GUCY1A2: variants seen among roughly 807,000 people sequenced by gnomAD.
GUCY1A2 encodes the protein guanylate cyclase 1 soluble subunit alpha 2.
Under a neutral mutation model 63.5 loss-of-function variants are expected in GUCY1A2, and 27 were observed. The observed-to-expected ratio is 0.43, with a 90% CI of 0.31 to 0.59. The LOEUF (loss-of-function observed/expected upper bound fraction) is 0.59, where lower values mean the gene tolerates loss of function less well. Among genes scored for constraint, GUCY1A2 ranks in the 20% least tolerant of loss-of-function variants. The probability of loss-of-function intolerance (pLI) is 0.11; values close to 1 mark genes in which losing one functional copy is unlikely to be tolerated. For synonymous variants in GUCY1A2, 364 were observed against 343.5 expected (o/e 1.06, Z -0.66); for missense variants, 768 against 913.3 (o/e 0.84, Z 2.05).
intron 4 of GUCY1A2, among the ~76,000 whole-genome samples, chr11:106,909,768 G>T (rs569172023): frequency 8.6e-5 from 13 of 151,936 alleles, no homozygotes; most frequent in Admixed American, 5.9e-4. Context: ...AAGGAAATCT[G>T]GGTTGCTTTT....
At chr11:106,700,287 T>C (rs1036176743) in intron 7 of GUCY1A2, among the ~76,000 whole-genome samples, 3 of 152,180 alleles carry the variant, frequency 2.0e-5, no homozygotes, top group Non-Finnish European at 4.4e-5. Flanking sequence ...CTGGTAAATA[T>C]ATGGAATGAC....
intron 6 of GUCY1A2, among the ~76,000 whole-genome samples, chr11:106,769,037 C>T (rs1864210599): frequency 1.3e-5 from 2 of 152,134 alleles, no homozygotes; most frequent in East Asian, 3.9e-4. Context: ...TGCTAGAGCC[C>T]CTAGTCTCTT....
At chr11:106,756,938 G>A (rs1313579899) in intron 6 of GUCY1A2, among the ~76,000 whole-genome samples, 1 of 152,206 alleles carries the variant, frequency 6.6e-6, no homozygotes, top group African/African-American at 2.4e-5. Flanking sequence ...ATCCTGAAGA[G>A]TGTTTTCTAA....
chr11:106,985,271 A>G (rs1861386673), intron 2 of GUCY1A2, among the ~76,000 whole-genome samples: 2 of 152,234 alleles, frequency 1.3e-5, no homozygotes, highest in Non-Finnish European at 2.9e-5. Context: ...GTAAATTAAA[A>G]TATATACATT....
intron 4 of GUCY1A2, among the ~76,000 whole-genome samples, chr11:106,911,278 C>T (rs760174384): frequency 6.6e-6 from 1 of 151,880 alleles, no homozygotes; most frequent in Non-Finnish European, 1.5e-5. Flanking sequence ...GAAAACTGAG[C>T]CCAAAGTAAG....
chr11:106,902,031 A>G (rs1860141436), intron 4 of GUCY1A2, among the ~76,000 whole-genome samples: 1 of 152,188 alleles, frequency 6.6e-6, no homozygotes, highest in Admixed American at 6.5e-5. Context: ...TGGCAGCTGT[A>G]GCCTTCCAAA....
intron 4 of GUCY1A2, among the ~76,000 whole-genome samples, chr11:106,876,441 T>C (rs1287246335): frequency 6.6e-6 from 1 of 152,198 alleles, no homozygotes; most frequent in Non-Finnish European, 1.5e-5. Context: ...AGTCAAACAA[T>C]TTATAGAAAT....
intron 4 of GUCY1A2, chr11:106,824,274 T>C (rs1858938816): frequency 3.4e-6 from 2 of 581,444 alleles, no homozygotes; most frequent in South Asian, 7.4e-5. Flanking sequence ...CTAGGTCCAG[T>C]TGAACATGAG....
chr11:106,782,132 C>T (rs1365181727), intron 5 of GUCY1A2, among the ~76,000 whole-genome samples: 1 of 152,128 alleles, frequency 6.6e-6, no homozygotes, highest in Non-Finnish European at 1.5e-5. Context: ...CTGGTGACCA[C>T]CTCAGTCCTT....
At chr11:106,883,238 T>C (rs1591313184) in intron 4 of GUCY1A2, among the ~76,000 whole-genome samples, 1 of 152,156 alleles carries the variant, frequency 6.6e-6, no homozygotes, top group African/African-American at 2.4e-5. Flanking sequence ...CCTGATGATT[T>C]GACATTGATC....
chr11:106,763,854 C>T (rs574062503), intron 6 of GUCY1A2, among the ~76,000 whole-genome samples: 13 of 151,984 alleles, frequency 8.6e-5, no homozygotes, highest in Non-Finnish European at 1.3e-4. Context: ...CTTTTCGTTA[C>T]GTAAATAAAA....
chr11:106,959,949 C>A (rs1861038461), intron 3 of GUCY1A2, among the ~76,000 whole-genome samples: 1 of 152,238 alleles, frequency 6.6e-6, no homozygotes, highest in Non-Finnish European at 1.5e-5. Flanking sequence ...CCTGAGCACA[C>A]TGCCCAGGAG....
At position 106,677,733 on chromosome 11, in the gene GUCY1A2, C is replaced by CA. The variant is rs373591539; in HGVS notation, c.*9815dup. 516 of 210,486 alleles carry CA rather than the reference C, an allele frequency of 2.5e-3. 1 individual carries two copies. The highest frequency in any genetic ancestry group is 0.011 in the African/African-American group (499 of 44,172). 13.0% of individuals were successfully genotyped at this position (210,486 alleles called of 1,614,324 possible). A position where few individuals can be genotyped will look rare whatever the true frequency, so the allele number is the denominator to read the frequency against. On this transcript the variant is annotated 3_prime_UTR_variant, in exon 8 of 8. Transcript: ENST00000526355. Reference sequence around the variant, plus strand: ...TTGCCTCTAGGTTAACAGGATTAGACAACAGACCTAATTTTGATGTAAGCA... The same window carrying CA: ...TTGCCTCTAGGTTAACAGGATTAGACAAACAGACCTAATTTTGATGTAAGCA...
chr11:106,692,413 T>C (rs1862640982), intron 7 of GUCY1A2, among the ~76,000 whole-genome samples: 1 of 152,112 alleles, frequency 6.6e-6, no homozygotes, highest in South Asian at 2.1e-4. Flanking sequence ...AATGGATGGC[T>C]CCCAAGCATG....
chr11:106,740,313 CT>C (rs1863671761), intron 6 of GUCY1A2, among the ~76,000 whole-genome samples: 1 of 151,770 alleles, frequency 6.6e-6, no homozygotes, highest in South Asian at 2.1e-4. Flanking sequence ...TGAGAGGAAC[CT>C]TTTTTTCTCA....
At chr11:106,962,925 T>C (rs541183643) in intron 3 of GUCY1A2, among the ~76,000 whole-genome samples, 1 of 152,070 alleles carries the variant, frequency 6.6e-6, no homozygotes, top group South Asian at 2.1e-4. Flanking sequence ...TTTAAAAATA[T>C]AGGCAGTGGT....
At chr11:106,906,973 A>T (rs924939413) in intron 4 of GUCY1A2, among the ~76,000 whole-genome samples, 1 of 152,104 alleles carries the variant, frequency 6.6e-6, no homozygotes, top group African/African-American at 2.4e-5. Context: ...ATTAGGAGAA[A>T]TACTTAATAT....
At chr11:106,925,884 A>C (rs1373833847) in intron 4 of GUCY1A2, among the ~76,000 whole-genome samples, 2 of 152,232 alleles carry the variant, frequency 1.3e-5, no homozygotes, top group African/African-American at 4.8e-5. Flanking sequence ...AAATGTCTTA[A>C]ATAAAATAAA....
intron 4 of GUCY1A2, among the ~76,000 whole-genome samples, chr11:106,829,697 T>G (rs1859025038): frequency 6.6e-6 from 1 of 152,174 alleles, no homozygotes; most frequent in African/African-American, 2.4e-5. Context: ...TTACAGTGTT[T>G]GGTTGGGGTG....
Sources: allele counts gnomAD v4.1 joint callset (sites outside exome capture counted in the v4.1 genomes callset), GRCh38; gene constraint gnomAD v4.1.1; transcripts MANE v1.5; gene names NCBI Gene and HGNC (gene_info 2026-07-23, HGNC 2026-07-21).